Variants in ATRNL1 observed in about 807,000 individuals in gnomAD.
ATRNL1 encodes attractin like 1, also known as attractin-like protein 1.
A neutral mutation model predicts 182.7 loss-of-function variants in ATRNL1; 95 were observed. That is an observed-to-expected ratio of 0.52 (90% CI 0.44 to 0.62). The LOEUF is 0.62. Ranked by LOEUF, ATRNL1 falls within the 20% of genes least tolerant of loss-of-function variation. The probability of loss-of-function intolerance (pLI) is 0.00; values close to 1 mark genes in which losing one functional copy is unlikely to be tolerated. For synonymous variants in ATRNL1, 576 were observed against 568.3 expected (o/e 1.01, Z -0.19); for missense variants, 1,471 against 1,679.5 (o/e 0.88, Z 2.17).
chr10:115,750,681 G>C (rs1156638102), intron 27 of ATRNL1, among the ~76,000 whole-genome samples: 3 of 151,700 alleles, frequency 2.0e-5, no homozygotes, highest in Admixed American at 2.0e-4. Flanking sequence ...ACTTGTTAAT[G>C]CACAATAACA....
intron 19 of ATRNL1, among the ~76,000 whole-genome samples, chr10:115,361,984 C>T (rs1453448600): frequency 2.0e-5 from 3 of 151,952 alleles, no homozygotes; most frequent in East Asian, 1.9e-4. Flanking sequence ...CTTGTTTTCC[C>T]ACTCTTTAAT....
intron 27 of ATRNL1, among the ~76,000 whole-genome samples, chr10:115,774,831 C>T (rs1227041491): frequency 4.0e-5 from 6 of 150,980 alleles, no homozygotes; most frequent in Non-Finnish European, 5.9e-5. Flanking sequence ...TTCTTGCTAA[C>T]GTTTCACTCA....
At chr10:115,529,347 T>C (rs1476324884) in intron 25 of ATRNL1, among the ~76,000 whole-genome samples, 2 of 151,940 alleles carry the variant, frequency 1.3e-5, no homozygotes, top group African/African-American at 4.8e-5. Flanking sequence ...TAAAATTTTT[T>C]CTCTTGTTAT....
chr10:115,601,378 A>G (rs1856586384), intron 26 of ATRNL1, among the ~76,000 whole-genome samples: 4 of 152,214 alleles, frequency 2.6e-5, no homozygotes, highest in South Asian at 2.1e-4. Flanking sequence ...TGTAATGTCA[A>G]TTAGATTAGA....
At chr10:115,152,293 A>G (rs1470554219) in intron 5 of ATRNL1, among the ~76,000 whole-genome samples, 18 of 152,160 alleles carry the variant, frequency 1.2e-4, no homozygotes, top group African/African-American at 4.3e-4. Flanking sequence ...TGAATCTATA[A>G]ATTACCTTTG....
intron 28 of ATRNL1, among the ~76,000 whole-genome samples, chr10:115,944,037 G>T (rs1953807329): frequency 6.6e-6 from 1 of 151,964 alleles, no homozygotes; most frequent in Non-Finnish European, 1.5e-5. Context: ...CTTGGGGAAA[G>T]GGGGATAGAT....
chr10:115,499,010 A>G (rs1554979250), intron 24 of ATRNL1, among the ~76,000 whole-genome samples: 1 of 152,078 alleles, frequency 6.6e-6, no homozygotes, highest in African/African-American at 2.4e-5. Flanking sequence ...AAAAAATTAT[A>G]ATTTCTATAA....
intron 22 of ATRNL1, among the ~76,000 whole-genome samples, chr10:115,465,587 CAGT>C (rs782257380): frequency 7.1e-6 from 1 of 140,916 alleles, no homozygotes; most frequent in Non-Finnish European, 1.6e-5. Flanking sequence ...CAATAGAATT[CAGT>C]ATTAATTGAT....
At chr10:115,111,980 A>G (rs1015658255) in intron 1 of ATRNL1, among the ~76,000 whole-genome samples, 5 of 152,164 alleles carry the variant, frequency 3.3e-5, no homozygotes, top group African/African-American at 9.7e-5. Context: ...TCCTGTGCCT[A>G]AAATAGTCTG....
chr10:115,542,559 A>C (rs1243066047), intron 25 of ATRNL1, among the ~76,000 whole-genome samples: 1 of 152,170 alleles, frequency 6.6e-6, no homozygotes, highest in East Asian at 1.9e-4. Flanking sequence ...TAAGAATTAA[A>C]GAAGCCTGAA....
At chr10:115,259,895 T>C (rs551673598) in intron 10 of ATRNL1, among the ~76,000 whole-genome samples, 4 of 152,270 alleles carry the variant, frequency 2.6e-5, no homozygotes, top group African/African-American at 9.6e-5. Flanking sequence ...CTTCTAGGGA[T>C]TGTAAGAGTA....
intron 26 of ATRNL1, among the ~76,000 whole-genome samples, chr10:115,607,906 A>G (rs1197544195): frequency 2.0e-5 from 3 of 151,882 alleles, no homozygotes; most frequent in African/African-American, 4.8e-5. Flanking sequence ...ATCTTCTTCC[A>G]CTGGAAATAT....
At chr10:115,743,296 TCTGATA>T (rs1184526111) in intron 27 of ATRNL1, among the ~76,000 whole-genome samples, 1 of 150,622 alleles carries the variant, frequency 6.6e-6, no homozygotes, top group Non-Finnish European at 1.5e-5. Context: ...CCTACATGGA[TCTGATA>T]CTACCATTCC....
Position 115,315,590 on chromosome 10 carries a change from C to A in ATRNL1, c.2891C>A (p.Pro964His). 6.2e-7 allele frequency: 1 copy of A among 1,613,812 alleles called. No individual in the cohort carries two copies. The highest frequency in any genetic ancestry group is 8.5e-7 in the Non-Finnish European group (1 of 1,179,924). Residue 964 changes from proline to histidine, a missense_variant, in exon 18 of 29, where the codon CCT becomes CAT. Physicochemically the swap from Pro to His is moderately conservative, Grantham distance 77. This residue lies in a region of ATRNL1 where 437 missense variants were observed against 506.0 expected (regional missense o/e 0.86). Coordinates refer to ENST00000355044, the MANE Select transcript of ATRNL1 (RefSeq NM_207303.4). Reference protein sequence around the residue: ...EQPGCGWCNDPSNTGRGHCIE... With the variant: ...EQPGCGWCNDHSNTGRGHCIE... ...CCTGGATGTGGCTGGTGCAATGATCCTAGTAATACAGGAAGAGGACATTGC... is the reference window on the plus strand; with the variant it reads ...CCTGGATGTGGCTGGTGCAATGATCATAGTAATACAGGAAGAGGACATTGC...
chr10:115,396,542 T>C (rs1484441862), intron 20 of ATRNL1, among the ~76,000 whole-genome samples: 1 of 151,982 alleles, frequency 6.6e-6, no homozygotes. Context: ...TATAATAGCA[T>C]GTTCTGGTTA....
At position 115,427,318 on chromosome 10, in the gene ATRNL1, T is replaced by G. The variant is rs782005315; in HGVS notation, c.3322+1016T>G. 9.8e-5 allele frequency among the ~76,000 whole-genome samples: 15 copies of G among 152,324 alleles called. 1 individual carries two copies. Among genetic ancestry groups the G allele is most frequent in the Middle Eastern group, 3.4e-3 (1 of 294 alleles). On this transcript the variant is annotated intron_variant, in intron 21 of 28. Coordinates refer to ENST00000355044, the MANE Select transcript of ATRNL1 (RefSeq NM_207303.4). ...ATCCTTTGCCCACTTTTTAGATTGT[T>G]TTTATATTAACAAATTTTCCACATA...
intron 26 of ATRNL1, among the ~76,000 whole-genome samples, chr10:115,711,678 T>G (rs1013771905): frequency 4.6e-5 from 7 of 152,138 alleles, no homozygotes; most frequent in African/African-American, 1.7e-4. Context: ...GATTCTACAC[T>G]GAGAAGATTC....
intron 21 of ATRNL1, among the ~76,000 whole-genome samples, chr10:115,446,002 T>C (rs982762726): frequency 1.3e-5 from 2 of 152,170 alleles, no homozygotes; most frequent in Admixed American, 1.3e-4. Flanking sequence ...TCAGTTGAGG[T>C]ACATGGGTTG....
chr10:115,238,587 C>A (rs1554902065), intron 9 of ATRNL1, among the ~76,000 whole-genome samples: 1 of 152,086 alleles, frequency 6.6e-6, no homozygotes, highest in African/African-American at 2.4e-5. Flanking sequence ...TGTCCTGCAA[C>A]CTTGCTATGC....
Sources: gnomAD v4.1 joint callset for allele counts (sites outside exome capture counted in the v4.1 genomes callset) on GRCh38, gnomAD v4.1.1 for gene constraint, gnomAD v4.1.1 regional missense constraint, MANE v1.5 for transcripts, NCBI Gene and HGNC (gene_info 2026-07-23, HGNC 2026-07-21) for gene names.